Variants in GBF1 observed in about 807,000 individuals in gnomAD.
GBF1 encodes the protein Golgi-specific brefeldin A-resistance guanine nucleotide exchange factor 1.
GBF1 carries 114 observed loss-of-function variants against 210.5 expected under a neutral mutation model. That is an observed-to-expected ratio of 0.54 (90% confidence interval 0.47 to 0.63). GBF1 has a LOEUF of 0.63. Among genes scored for constraint, GBF1 ranks in the 30% least tolerant of loss-of-function variants. The pLI is 0.00. For synonymous variants in GBF1, 850 were observed against 889.2 expected (o/e 0.96, Z 0.78); for missense variants, 1,851 against 2,357.7 (o/e 0.79, Z 4.45).
chr10:102,260,476 C>CTTTTTTTTTTTT (rs60452124), intron 3 of GBF1, among the ~76,000 whole-genome samples: 10 of 72,424 alleles, frequency 1.4e-4, no homozygotes, highest in South Asian at 5.5e-4. Flanking sequence ...TTCCTTTCTT[C>CTTTTTTTTTTTT]TTTTTTTTTT....
chr10:102,362,769 C>G (rs560406479), intron 15 of GBF1, 105 bp downstream of exon 15: 1 of 802,696 alleles, frequency 1.2e-6, no homozygotes, highest in African/African-American at 1.7e-5. Flanking sequence ...CTGGGATGCT[C>G]CCAATTCTGT....
intron 3 of GBF1, among the ~76,000 whole-genome samples, chr10:102,310,412 C>T (rs898817263): frequency 3.9e-5 from 6 of 152,178 alleles, no homozygotes; most frequent in African/African-American, 1.4e-4. Context: ...TATTTTAGGT[C>T]TGCTACGCCT....
intron 29 of GBF1, among the ~76,000 whole-genome samples, chr10:102,374,314 C>T (rs929406845): frequency 6.6e-6 from 1 of 151,542 alleles, no homozygotes; most frequent in African/African-American, 2.4e-5. Flanking sequence ...CCTGCCTGCA[C>T]TCTAGCCTGG....
chr10:102,315,953 A>C (rs1211792795), intron 3 of GBF1, among the ~76,000 whole-genome samples: 1 of 152,172 alleles, frequency 6.6e-6, no homozygotes, highest in Non-Finnish European at 1.5e-5. Flanking sequence ...TAATTCTGAT[A>C]GCAGACTATA....
intron 3 of GBF1, among the ~76,000 whole-genome samples, chr10:102,301,505 A>G (rs1747549003): frequency 6.6e-6 from 1 of 152,230 alleles, no homozygotes; most frequent in African/African-American, 2.4e-5. Context: ...TACACCTCCC[A>G]GACGGGGCGG....
chr10:102,260,788 TA>T (rs1280675350), intron 3 of GBF1, among the ~76,000 whole-genome samples: 2 of 151,772 alleles, frequency 1.3e-5, no homozygotes, highest in Non-Finnish European at 2.9e-5. Context: ...ATATTTTCTT[TA>T]AAAAAAAGAA....
At chr10:102,341,750 A>C (rs2058195769) in intron 3 of GBF1, among the ~76,000 whole-genome samples, 1 of 152,226 alleles carries the variant, frequency 6.6e-6, no homozygotes, top group Non-Finnish European at 1.5e-5. Context: ...TAATTTTACC[A>C]AATTAGCAAA....
At chr10:102,327,080 T>A (rs562854809) in intron 3 of GBF1, among the ~76,000 whole-genome samples, 10 of 152,308 alleles carry the variant, frequency 6.6e-5, no homozygotes, top group Non-Finnish European at 1.2e-4. Context: ...AAGTCTCTAA[T>A]CGGCATCCAT....
At chr10:102,319,798 G>A (rs563953517) in intron 3 of GBF1, among the ~76,000 whole-genome samples, 4 of 144,994 alleles carry the variant, frequency 2.8e-5, no homozygotes, top group South Asian at 4.3e-4. Context: ...ATGTGATCTC[G>A]GCTCACTGCA....
At chr10:102,284,851 G>A (rs2075810224) in intron 3 of GBF1, among the ~76,000 whole-genome samples, 1 of 151,982 alleles carries the variant, frequency 6.6e-6, no homozygotes, top group South Asian at 2.1e-4. Context: ...GTTTTCTATA[G>A]CAGCTGAACC....
intron 39 of GBF1, among the ~76,000 whole-genome samples, chr10:102,381,823 G>GAAAAA (rs386372282): frequency 5.2e-5 from 1 of 19,090 alleles, no homozygotes; most frequent in Non-Finnish European, 9.8e-5. Flanking sequence ...ACCCTGTCGC[G>GAAAAA]AAAAAAAAAA....
In GBF1 at chr10:102,366,317, G is replaced by A; in HGVS notation, c.2310-66G>A. On this transcript the variant is annotated intron_variant, in intron 18 of 39. Coordinates refer to ENST00000369983, the MANE Select transcript of GBF1 (RefSeq NM_001377137.1). The surrounding 1 kb of genome is among the most constrained non-coding windows in gnomAD (Gnocchi z 4.0). The stretch of plus-strand genomic sequence containing the variant: ...AGTAAGAGTAGGTTAGGAGGACAGT[G>A]ACTAAAAGAGCCTGACATGTGCAGC... The A allele has an allele frequency of 1.3e-6, 2 of 1,585,566 alleles. No individual in the cohort carries two copies. Among genetic ancestry groups the A allele is most frequent in the Non-Finnish European group, 1.7e-6 (2 of 1,156,590 alleles).
chr10:102,372,908 G>C (rs1250897483), intron 29 of GBF1, among the ~76,000 whole-genome samples: 3 of 152,164 alleles, frequency 2.0e-5, no homozygotes, highest in Non-Finnish European at 4.4e-5. Flanking sequence ...CCTCAACACT[G>C]TCTGGATGGA....
At chr10:102,253,285 G>T (rs574536130) in intron 1 of GBF1, among the ~76,000 whole-genome samples, 1 of 152,106 alleles carries the variant, frequency 6.6e-6, no homozygotes, top group Non-Finnish European at 1.5e-5. Flanking sequence ...CCAAAACTGA[G>T]GCTGCATGTA....
intron 3 of GBF1, among the ~76,000 whole-genome samples, chr10:102,291,076 G>A (rs1057104790): frequency 6.6e-6 from 1 of 152,094 alleles, no homozygotes; most frequent in Non-Finnish European, 1.5e-5. Context: ...TTTCGGATTT[G>A]TATTACATGT....
intron 3 of GBF1, among the ~76,000 whole-genome samples, chr10:102,262,760 G>T (rs1168435448): frequency 1.3e-5 from 2 of 152,170 alleles, no homozygotes; most frequent in Non-Finnish European, 2.9e-5. Context: ...TGCAGTCTAG[G>T]AATTGTAGAC....
intron 4 of GBF1, among the ~76,000 whole-genome samples, chr10:102,347,086 C>T (rs1176525660): frequency 6.6e-6 from 1 of 152,074 alleles, no homozygotes; most frequent in African/African-American, 2.4e-5. Flanking sequence ...TTCATTTTCC[C>T]TGATTGGCAG....
At position 102,344,180 on chromosome 10, in the gene GBF1, T is replaced by G; in HGVS notation, c.293T>G (p.Ile98Arg). 1 of 1,613,920 alleles carries G rather than the reference T, an allele frequency of 6.2e-7. No homozygotes were observed. Among genetic ancestry groups the G allele is most frequent in the Non-Finnish European group, 8.5e-7 (1 of 1,179,796 alleles). ...AACAAGTTCCTGTCCTATGCACTCA[T>G]AGGTAAGAGCTCAGGCTTTGTTGCA... is the stretch of plus-strand genomic sequence containing the variant. ...SVNKFLSYAL[I>R]DPTHEGTAEG... is the part of the protein sequence containing the mutation. The change falls in exon 4 of 40, where the codon ATA becomes AGA. Residue 98 changes from isoleucine to arginine, a missense_variant and splice_region_variant. Around this residue, in one of 3 missense-constraint regions of GBF1, gnomAD observed 804 missense variants for 958.6 expected, o/e 0.84. Transcript: ENST00000369983.
chr10:102,230,985 C>T, the GBF1 span: 1 of 1,605,484 alleles, frequency 6.2e-7, no homozygotes, highest in Non-Finnish European at 8.5e-7. Context: ...CGGGGTACAC[C>T]TCCTCGTAGG....
Sources: gnomAD v4.1 joint callset for allele counts (sites outside exome capture counted in the v4.1 genomes callset) on GRCh38, gnomAD v4.1.1 for gene constraint, gnomAD v4.1.1 regional missense constraint, Gnocchi (gnomAD v3.1) non-coding constraint, MANE v1.5 for transcripts, NCBI Gene and HGNC (gene_info 2026-07-23, HGNC 2026-07-21) for gene names.